TTN: variants seen among roughly 807,000 people sequenced by gnomAD.
TTN encodes the protein connectin.
TTN carries 1,525 observed loss-of-function variants against 3,223.0 expected under a neutral mutation model. The observed-to-expected ratio is 0.47, with a 90% confidence interval of 0.45 to 0.49. The LOEUF (loss-of-function observed/expected upper bound fraction) is 0.49, where lower values mean the gene tolerates loss of function less well. Among genes scored for constraint, TTN ranks in the 20% least tolerant of loss-of-function variants. The pLI is 0.00. For synonymous variants in TTN, 14,094 were observed against 15,161.0 expected, an observed-to-expected ratio of 0.93 and a Z score of 5.17; for missense variants, 40,786 against 43,424.0, an observed-to-expected ratio of 0.94 and a Z score of 5.40.
Position 178,618,227 on chromosome 2 carries a change from A to G in TTN, c.47231T>C (p.Val15744Ala), listed in dbSNP as rs1280526830. Residue 15744 changes from valine (V) to alanine (A), a missense_variant, in exon 252 of 363, where the codon GTA (valine) becomes GCA (alanine). Val to Ala is a moderately conservative substitution (Grantham distance 64). Coordinates refer to ENST00000589042, the MANE Select transcript of TTN (RefSeq NM_001267550.2). ...TGCTTCTACAGGATTGTCAGTTTCT[A>G]CTGGCTCACCAGTGCCAACTCTGTT... The part of the protein sequence containing the change: ...ARNRVGTGEP[V>A]ETDNPVEARS... 3.1e-6 allele frequency: 5 copies of G among 1,612,664 alleles called. No individual in the cohort carries two copies. The East Asian group carries it at 8.9e-5, about 29-fold the overall frequency.
In TTN at chr2:178,697,957, A is replaced by G. The variant is rs529622827; in HGVS notation, c.30755-789T>C. On this transcript the variant is annotated intron_variant, in intron 112 of 362. Coordinates refer to ENST00000589042, the MANE Select transcript of TTN (RefSeq NM_001267550.2). Reference sequence around the variant, plus strand: ...TGGGTACTTCCATGTTCATTGCAGCATTATTCACAAAGACCAAGTTATGGA... The same window carrying G: ...TGGGTACTTCCATGTTCATTGCAGCGTTATTCACAAAGACCAAGTTATGGA... Among the ~76,000 whole-genome samples, 17 of 152,332 alleles carry G rather than the reference A, an allele frequency of 1.1e-4. 1 individual carries two copies. The highest frequency in any genetic ancestry group is 4.1e-4 in the African/African-American group (17 of 41,572).
chr2:178,568,751 A>G lies in TTN; in HGVS notation c.77381T>C (p.Leu25794Pro), dbSNP rs1706956268. ...SLAVPIVAKD[L>P]VIEPDVKPAF... ...AGGTTTTACATCTGGCTCAATTACC[A>G]GATCTTTGGCAACTATTGGAACTGC... The change falls in exon 326 of 363, where the codon CTG becomes CCG. Residue 25794 changes from leucine (L) to proline (P), a missense_variant. Physicochemically the swap from Leu to Pro is moderately conservative, Grantham distance 98. Transcript: ENST00000589042. 1.9e-6 allele frequency: 3 copies of G among 1,612,932 alleles called. No individual in the cohort carries two copies. Among genetic ancestry groups the G allele is most frequent in the Non-Finnish European group, 2.5e-6 (3 of 1,179,402 alleles).
intron 10 of TTN, among the ~76,000 whole-genome samples, chr2:178,791,537 C>T (rs1380896606): frequency 6.6e-6 from 1 of 152,122 alleles, no homozygotes; most frequent in African/African-American, 2.4e-5. Flanking sequence ...TTCTAGGTCA[C>T]TGTTTATCAA....
chr2:178,549,156 G>A lies in TTN; in HGVS notation c.92470C>T (p.Pro30824Ser), dbSNP rs757687130. 4.3e-6 allele frequency: 7 copies of A among 1,613,680 alleles called. No homozygotes were observed. Among genetic ancestry groups the A allele is most frequent in the Non-Finnish European group, 5.9e-6 (7 of 1,179,824 alleles). The stretch of plus-strand genomic sequence containing the variant: ...TCTGTTACTTTGACCACTGTGGGAG[G>A]ACCTGGTGGGTTGACGGGCTCTCTA... ...KCREPVNPPG[P>S]PTVVKVTDTS... is the part of the protein sequence containing the mutation. The change falls in exon 339 of 363, where the codon CCT (proline) becomes TCT (serine). Residue 30824 changes from proline (P) to serine (S), a missense_variant. Pro to Ser is a moderately conservative substitution (Grantham distance 74). Coordinates refer to ENST00000589042, the MANE Select transcript of TTN (RefSeq NM_001267550.2).
chr2:178,745,613 T>C (rs749829142), intron 47 of TTN: 1 of 1,612,798 alleles, frequency 6.2e-7, no homozygotes, highest in Non-Finnish European at 8.5e-7. Flanking sequence ...TGCAAAGCTC[T>C]CAGCCATTCC....
At position 178,574,738 on chromosome 2, in the gene TTN, C is replaced by G; in HGVS notation, c.71394G>C (p.Gln23798His). The change falls in exon 326 of 363, where the codon CAG becomes CAC. Residue 23798 changes from glutamine (Q) to histidine (H), a missense_variant. Transcript: ENST00000589042. ...ATCTATTCTGAGCTTTTACACGGAA[C>G]TGATACTCTAATCCAGTAGTAAGGC... ...ATRLTTGLEY[Q>H]FRVKAQNRYG... 1 of 1,613,094 alleles carries G rather than the reference C, an allele frequency of 6.2e-7. No individual in the cohort carries two copies. Among genetic ancestry groups the G allele is most frequent in the Middle Eastern group, 1.7e-4 (1 of 6,054 alleles).
intron 336 of TTN, 23 bp from the exon 337 acceptor site, chr2:178,550,296 A>T: frequency 1.3e-6 from 2 of 1,584,092 alleles, no homozygotes; most frequent in Non-Finnish European, 8.6e-7. Flanking sequence ...GAGAAATACT[A>T]TGTATTAGTT....
chr2:178,562,305 C>G lies in TTN; in HGVS notation c.83827G>C (p.Gly27943Arg), dbSNP rs886055236. The G allele has an allele frequency of 6.2e-7, 1 of 1,613,384 alleles. No homozygotes were observed. The highest frequency in any genetic ancestry group is 8.5e-7 in the Non-Finnish European group (1 of 1,179,648). ...VFRVAAVNEKGRSDPRQLGVP... is the reference protein window; with the variant it reads ...VFRVAAVNEKRRSDPRQLGVP... ...CCAAGTTGTCTTGGATCACTTCTTC[C>G]CTTTTCGTTAACTGCAGCTACCCTG... is the stretch of plus-strand genomic sequence containing the variant. The change falls in exon 326 of 363, where the codon GGA becomes CGA. Residue 27943 changes from glycine to arginine, a missense_variant. Coordinates refer to ENST00000589042, the MANE Select transcript of TTN (RefSeq NM_001267550.2).
intron 121 of TTN, among the ~76,000 whole-genome samples, chr2:178,691,320 G>A (rs564662007): frequency 1.1e-4 from 16 of 152,068 alleles, no homozygotes; most frequent in Admixed American, 2.6e-4. Flanking sequence ...GCCTTTTATC[G>A]CCAAAAAAAT....
Position 178,663,647 on chromosome 2 carries a change from G to A in TTN, c.36512C>T (p.Pro12171Leu), listed in dbSNP as rs754350525. ...KKAPVAPPKE[P>L]EVPPVKVPEA... Reference sequence around the variant, plus strand: ...AATACCTTTAACAGGTGGGACTTCAGGCTCTTTAGGAGGAGCCACTGGCGC... The same window carrying A: ...AATACCTTTAACAGGTGGGACTTCAAGCTCTTTAGGAGGAGCCACTGGCGC... Residue 12171 changes from proline (P) to leucine (L), a missense_variant, in exon 171 of 363, where the codon CCT (proline) becomes CTT (leucine). Pro to Leu is a moderately conservative substitution (Grantham distance 98). Coordinates refer to ENST00000589042, the MANE Select transcript of TTN (RefSeq NM_001267550.2). 1.2e-6 allele frequency: 2 copies of A among 1,613,700 alleles called. No homozygotes were observed. The highest frequency in any genetic ancestry group is 4.5e-5 in the East Asian group (2 of 44,866).
chr2:178,785,604 C>T lies in TTN; in HGVS notation c.2493+16G>A, dbSNP rs1195233066. 1.4e-5 allele frequency: 23 copies of T among 1,613,760 alleles called. No individual in the cohort carries two copies. The highest frequency in any genetic ancestry group is 1.7e-5 in the Non-Finnish European group (20 of 1,179,978). On this transcript the variant is annotated intron_variant, in intron 15 of 362. Coordinates refer to ENST00000589042, the MANE Select transcript of TTN (RefSeq NM_001267550.2). ...TTCCTTTAAACATTTCTGTATCATG[C>T]TCTGTAACTTCTTACCTCATATCCA...
chr2:178,625,513 A>G lies in TTN; in HGVS notation c.44425-117T>C, dbSNP rs528197402. 57 of 1,171,934 alleles carry G rather than the reference A, an allele frequency of 4.9e-5. No individual in the cohort carries two copies. The African/African-American group carries it at 6.1e-4, about 12-fold the overall frequency. The allele number at this position is 1,171,934 out of a possible 1,614,324, so 72.6% of individuals were successfully genotyped here. On this transcript the variant is annotated intron_variant, in intron 240 of 362. Coordinates refer to ENST00000589042, the MANE Select transcript of TTN (RefSeq NM_001267550.2). ...TTTCCAAGTTGTTTTATAATCATCT[A>G]TTTAGCACGTATGCATTCAAAAATC... is the stretch of plus-strand genomic sequence containing the variant.
At chr2:178,619,928 T>TTTGA (rs2058013281) in intron 249 of TTN, 41 bp from the exon 250 acceptor site, 1 of 1,598,726 alleles carries the variant, frequency 6.3e-7, no homozygotes, top group African/African-American at 1.4e-5. Flanking sequence ...ATGTTTACAT[T>TTTGA]TTGATTAACA....
Position 178,539,002 on chromosome 2 carries a change from ACAT to A in TTN, c.98930_98932del (p.Asp32977del), listed in dbSNP as rs748211870. 44 of 1,613,616 alleles carry A rather than the reference ACAT, an allele frequency of 2.7e-5. No homozygotes were observed. The highest frequency in any genetic ancestry group is 4.2e-6 in the Non-Finnish European group (5 of 1,179,702). ...AGCAGGGCTGGTCTCACTCAGGCCAACATCATTCTGTGCGATGATGCGGAACTG... is the reference window on the plus strand; with the variant it reads ...AGCAGGGCTGGTCTCACTCAGGCCAACATTCTGTGCGATGATGCGGAACTG... On this transcript the variant is annotated inframe_deletion, in exon 353 of 363. Coordinates refer to ENST00000589042, the MANE Select transcript of TTN (RefSeq NM_001267550.2).
Position 178,545,697 on chromosome 2 carries a change from T to C in TTN, c.95417-4A>G. 6.2e-7 allele frequency: 1 copy of C among 1,609,890 alleles called. No homozygotes were observed. The highest frequency in any genetic ancestry group is 8.5e-7 in the Non-Finnish European group (1 of 1,177,008). On this transcript the variant is annotated splice_region_variant and splice_polypyrimidine_tract_variant and intron_variant, in intron 343 of 362. Coordinates refer to ENST00000589042, the MANE Select transcript of TTN (RefSeq NM_001267550.2). Reference sequence around the variant, plus strand: ...ATGCCGGGTGGTGATGGAATAGCTGTTTATGAAAATAAGGATGATGAGAAT... The same window carrying C: ...ATGCCGGGTGGTGATGGAATAGCTGCTTATGAAAATAAGGATGATGAGAAT...
rs768420352 is a variant in TTN at position 178,547,439 on chromosome 2, T to G, written c.94187A>C (p.Glu31396Ala). ...ENRFGVSKPLESAPIIAEHPF... is the reference protein window; with the variant it reads ...ENRFGVSKPLASAPIIAEHPF... ...ATGTTCAGCAATTATTGGTGCTGAT[T>G]CTAGAGGTTTGCTGACACCAAATCT... The change falls in exon 339 of 363, where the codon GAA becomes GCA. Residue 31396 changes from glutamate (E) to alanine (A), a missense_variant. Coordinates refer to ENST00000589042, the MANE Select transcript of TTN (RefSeq NM_001267550.2). 4 of 1,609,152 alleles carry G rather than the reference T, an allele frequency of 2.5e-6. No individual in the cohort carries two copies. The Admixed American group carries it at 6.7e-5, about 27-fold the overall frequency.
chr2:178,804,468 T>C (rs1001187004), intron 2 of TTN, 84 bp downstream of exon 2: 1 of 1,357,594 alleles, frequency 7.4e-7, no homozygotes, highest in Non-Finnish European at 1.0e-6. Flanking sequence ...GGGCTTAAAC[T>C]TGGCGTCAAG....
In TTN at chr2:178,777,538, T is replaced by C. The variant is rs2154346647; in HGVS notation, c.4527A>G (p.Glu1509=). 1 of 1,613,992 alleles carries C rather than the reference T, an allele frequency of 6.2e-7. No individual in the cohort carries two copies. The highest frequency in any genetic ancestry group is 8.5e-7 in the Non-Finnish European group (1 of 1,179,950). ...CAATAATTAGTGATTGAGTACCATC[T>C]TCTTTAATGACTACTTTATGGGTAT... ...NDYTHKVVIK[E]DGTQSLIIVP... The change falls in exon 26 of 363, where the codon GAA becomes GAG. Residue 1509 remains glutamate (E), a synonymous_variant. Transcript: ENST00000589042.
intron 217 of TTN, among the ~76,000 whole-genome samples, chr2:178,645,434 A>C (rs1384922112): frequency 6.6e-6 from 1 of 152,076 alleles, no homozygotes; most frequent in African/African-American, 2.4e-5. Context: ...ATATAGGCAC[A>C]TATCAGCTAC....
Sources: allele counts gnomAD v4.1 joint callset (sites outside exome capture counted in the v4.1 genomes callset), GRCh38; gene constraint gnomAD v4.1.1; transcripts MANE v1.5; gene names NCBI Gene and HGNC (gene_info 2026-07-23, HGNC 2026-07-21).